The following SMPX variants were observed in gnomAD, a reference collection of about 807,000 sequenced individuals.
SMPX encodes the protein small muscle protein X-linked.
In SMPX, 2 loss-of-function variants were observed where a neutral mutation model predicts 6.3. The ratio of observed to expected loss-of-function variants is 0.32; its 90% CI spans 0.13 to 0.99. The LOEUF (loss-of-function observed/expected upper bound fraction) is 0.99, where lower values mean the gene tolerates loss of function less well. SMPX is among the 50% of genes least tolerant of loss of function. The pLI is 0.49. For missense variants in SMPX, 60 were observed against 66.8 expected (o/e 0.90, Z 0.36); for synonymous variants, 32 against 24.7 (o/e 1.30, Z -0.88).
At chrX:21,755,163 G>T (rs183268984) in intron 1 of SMPX, among the ~76,000 whole-genome samples, 517 of 112,589 alleles carry the variant, frequency 4.6e-3, no homozygotes, top group Non-Finnish European at 7.2e-3. Context: ...GAATGGTCTA[G>T]CTCTGGCCTG....
chrX:21,712,298 C>T (rs1272364497), intron 4 of SMPX, among the ~76,000 whole-genome samples: 9 of 111,744 alleles, frequency 8.1e-5, no homozygotes, highest in Admixed American at 1.9e-4. Context: ...TATATAAAAA[C>T]GGAAGAAGAG....
intron 2 of SMPX, among the ~76,000 whole-genome samples, chrX:21,746,632 T>C (rs2092821673): frequency 1.0e-5 from 1 of 96,224 alleles, no homozygotes; most frequent in Admixed American, 1.2e-4. Flanking sequence ...ACTCAAGAAA[T>C]CAGAAAAACT....
chrX:21,727,611 AC>A (rs2092798430), intron 4 of SMPX: 1 of 111,273 alleles, frequency 9.0e-6, no homozygotes, highest in Non-Finnish European at 1.9e-5. Flanking sequence ...GTTCTGAGCA[AC>A]CTTTGTGCCA....
chrX:21,729,281 C>T (rs745541049), intron 4 of SMPX, among the ~76,000 whole-genome samples: 3 of 112,735 alleles, frequency 2.7e-5, no homozygotes, highest in East Asian at 5.6e-4. Context: ...AAGCAAAGTC[C>T]GCAGCAAGCT....
rs150838146 is a variant in SMPX, at chrX:21,723,967, T to C, written c.*14+13582A>G. ...TGGGGCATGAGCTCCTCTTCCTATG[T>C]GCTGGGAATCCCTGCCAGCCAGGGG... is the stretch of plus-strand genomic sequence containing the variant. On this transcript the variant is annotated intron_variant, in intron 4 of 4. Coordinates refer to ENST00000379494, the MANE Select transcript of SMPX (RefSeq NM_014332.3). Among the ~76,000 whole-genome samples, 735 of 112,022 alleles carry C rather than the reference T, an allele frequency of 6.6e-3. 7 individuals are homozygous for C. The highest frequency in any genetic ancestry group is 0.022 in the African/African-American group (684 of 30,843).
At chrX:21,730,849 T>C (rs1447601379) in intron 4 of SMPX, among the ~76,000 whole-genome samples, 2 of 112,355 alleles carry the variant, frequency 1.8e-5, no homozygotes, top group Admixed American at 1.9e-4. Context: ...TCCTTACCAT[T>C]TGAAAGGAAT....
At chrX:21,728,955 T>C (rs967999076) in intron 4 of SMPX, among the ~76,000 whole-genome samples, 1 of 112,391 alleles carries the variant, frequency 8.9e-6, no homozygotes, top group Non-Finnish European at 1.9e-5. Context: ...AATGATGACA[T>C]TGATATTGAT....
At chrX:21,710,657 A>C (rs1003519127) in intron 4 of SMPX, among the ~76,000 whole-genome samples, 2 of 111,623 alleles carry the variant, frequency 1.8e-5, no homozygotes, top group Non-Finnish European at 3.8e-5. Flanking sequence ...TGGAATTCTT[A>C]ACATAACATT....
At chrX:21,712,305 A>G (rs979113950) in intron 4 of SMPX, among the ~76,000 whole-genome samples, 1 of 112,390 alleles carries the variant, frequency 8.9e-6, no homozygotes, top group Non-Finnish European at 1.9e-5. Context: ...AAACGGAAGA[A>G]GAGGAAGACA....
intron 2 of SMPX, among the ~76,000 whole-genome samples, chrX:21,751,286 A>G (rs751425469): frequency 1.8e-5 from 2 of 112,372 alleles, no homozygotes; most frequent in South Asian, 7.4e-4. Flanking sequence ...ATTAAACTAT[A>G]TTAGCCTCTA....
At chrX:21,749,480 A>G (rs1347411542) in intron 2 of SMPX, among the ~76,000 whole-genome samples, 1 of 111,750 alleles carries the variant, frequency 8.9e-6, no homozygotes, top group Non-Finnish European at 1.9e-5. Flanking sequence ...GGTGCTTATG[A>G]TTATCCTTGA....
At chrX:21,730,354 A>G (rs144767318) in intron 4 of SMPX, among the ~76,000 whole-genome samples, 2 of 112,569 alleles carry the variant, frequency 1.8e-5, no homozygotes, top group East Asian at 5.5e-4. Context: ...GCAAAGCAAC[A>G]TGAAAACTAA....
chrX:21,732,647 C>T (rs1163661691), intron 4 of SMPX, among the ~76,000 whole-genome samples: 1 of 112,087 alleles, frequency 8.9e-6, no homozygotes, highest in Non-Finnish European at 1.9e-5. Context: ...AAGATGTAAA[C>T]AAGAAAACCA....
chrX:21,743,439 ACAAT>A (rs1488568730), intron 3 of SMPX, among the ~76,000 whole-genome samples: 4 of 110,698 alleles, frequency 3.6e-5, no homozygotes, highest in South Asian at 7.8e-4. Flanking sequence ...ACGCATACAC[ACAAT>A]CAATCAATCA....
At chrX:21,734,514 AC>A (rs1177038722) in intron 4 of SMPX, among the ~76,000 whole-genome samples, 2 of 111,493 alleles carry the variant, frequency 1.8e-5, no homozygotes, top group African/African-American at 6.5e-5. Flanking sequence ...TGGTTCTTGG[AC>A]TTTCTTAAGT....
At chrX:21,757,665 G>T (rs1941880424) in intron 1 of SMPX, among the ~76,000 whole-genome samples, 2 of 111,709 alleles carry the variant, frequency 1.8e-5, no homozygotes, top group African/African-American at 6.5e-5. Flanking sequence ...ACAGCTTCAA[G>T]GTCACAGTTA....
Position 21,706,311 on chromosome X carries a change from A to T in SMPX, c.*98T>A, listed in dbSNP as rs1167885035. Reference sequence around the variant, plus strand: ...TCTGCTAGAGTCTCAGGCATTCAGGAGGTTCACAATCATCATACAAATATA... The same window carrying T: ...TCTGCTAGAGTCTCAGGCATTCAGGTGGTTCACAATCATCATACAAATATA... On this transcript the variant is annotated 3_prime_UTR_variant, in exon 5 of 5. Coordinates refer to ENST00000379494, the MANE Select transcript of SMPX (RefSeq NM_014332.3). The T allele has an allele frequency of 1.4e-5, 7 of 491,457 alleles. No homozygotes were observed. Among genetic ancestry groups the T allele is most frequent in the Non-Finnish European group, 2.2e-5 (6 of 273,348 alleles). The allele number at this position is 491,457 out of a possible 1,213,427, so 40.5% of individuals were successfully genotyped here. A position where few individuals can be genotyped will look rare whatever the true frequency, so the allele number is the denominator to read the frequency against.
chrX:21,734,615 G>A (rs2092808571), intron 4 of SMPX, among the ~76,000 whole-genome samples: 1 of 111,330 alleles, frequency 9.0e-6, no homozygotes, highest in Admixed American at 9.6e-5. Flanking sequence ...GCCAGTTCCA[G>A]CCTGGACTGG....
intron 3 of SMPX, among the ~76,000 whole-genome samples, chrX:21,738,311 G>A (rs778757829): frequency 3.6e-4 from 40 of 111,358 alleles, no homozygotes; most frequent in African/African-American, 1.3e-3. Flanking sequence ...AGAGGTGCAC[G>A]CGCATACTTG....
Sources: gnomAD v4.1 joint callset for allele counts (sites outside exome capture counted in the v4.1 genomes callset) on GRCh38, gnomAD v4.1.1 for gene constraint, MANE v1.5 for transcripts, NCBI Gene and HGNC (gene_info 2026-07-23, HGNC 2026-07-21) for gene names.